The following FOCAD variants were observed in gnomAD, a reference collection of about 807,000 sequenced individuals.
FOCAD encodes KIAA1797.
FOCAD carries 198 observed loss-of-function variants against 225.6 expected under a neutral mutation model. That is an observed-to-expected ratio of 0.88 (90% CI 0.78 to 0.99). The LOEUF is 0.99. Ranked by LOEUF, FOCAD falls within the 50% of genes least tolerant of loss-of-function variation. The probability of loss-of-function intolerance (pLI) is 0.00; values close to 1 mark genes in which losing one functional copy is unlikely to be tolerated. For synonymous variants in FOCAD, 897 were observed against 755.0 expected (o/e 1.19, Z -3.08); for missense variants, 2,713 against 2,123.6 (o/e 1.28, Z -5.46).
chr9:20,842,783 G>A (rs1826673107), intron 15 of FOCAD, among the ~76,000 whole-genome samples: 1 of 151,652 alleles, frequency 6.6e-6, no homozygotes, highest in South Asian at 2.1e-4. Context: ...GTTGTTTTGT[G>A]GTCTTCTCTA....
intron 4 of FOCAD, among the ~76,000 whole-genome samples, chr9:20,725,930 A>G (rs1301943322): frequency 4.1e-4 from 63 of 152,296 alleles, no homozygotes; most frequent in Non-Finnish European, 1.9e-4. Context: ...AAACAAAGAA[A>G]TGGATTTAAG....
intron 8 of FOCAD, among the ~76,000 whole-genome samples, chr9:20,773,492 A>T (rs1818441095): frequency 6.6e-6 from 1 of 152,220 alleles, no homozygotes; most frequent in South Asian, 2.1e-4. Context: ...AATAGCACAT[A>T]GATCAAAACA....
At chr9:20,760,342 A>C (rs1829470078) in intron 6 of FOCAD, among the ~76,000 whole-genome samples, 1 of 152,256 alleles carries the variant, frequency 6.6e-6, no homozygotes, top group African/African-American at 2.4e-5. Context: ...TTTCTGAAAC[A>C]GTTTGAAATT....
chr9:20,794,779 T>A (rs369999401), intron 11 of FOCAD, among the ~76,000 whole-genome samples: 2 of 152,244 alleles, frequency 1.3e-5, no homozygotes, highest in Non-Finnish European at 2.9e-5. Flanking sequence ...ATTGGTGGAT[T>A]ATCTTCCAGT....
At chr9:20,821,525 A>G (rs574562078) in intron 14 of FOCAD, among the ~76,000 whole-genome samples, 5 of 152,224 alleles carry the variant, frequency 3.3e-5, no homozygotes, top group African/African-American at 1.2e-4. Flanking sequence ...GAAAATGATG[A>G]TGAATTTTTA....
rs1327437360 is a variant in FOCAD at position 20,822,976 on chromosome 9, T to C, written c.1794-13T>C. ...TAGCATTAATTTTGCTTTTAAACTT[T>C]CATTTCTTGTAGGCCATATCAACAT... On this transcript the variant is annotated splice_polypyrimidine_tract_variant and intron_variant, in intron 14 of 43. Transcript: ENST00000338382. 2.6e-6 allele frequency: 4 copies of C among 1,564,936 alleles called. No homozygotes were observed. Among genetic ancestry groups the C allele is most frequent in the Middle Eastern group, 1.7e-4 (1 of 5,880 alleles).
chr9:20,887,359 C>T lies in FOCAD; in HGVS notation c.2625+2129C>T, dbSNP rs896441483. On this transcript the variant is annotated intron_variant, in intron 21 of 43. Coordinates refer to ENST00000338382, the MANE Select transcript of FOCAD (RefSeq NM_001375567.1). ...AAGGGATTCTCCTGCCTCAGCCTCC[C>T]GAGTAGCTGGGATTACAGGCATGCG... Among the ~76,000 whole-genome samples the T allele has an allele frequency of 4.0e-4, 61 of 152,070 alleles. 1 individual carries two copies. The highest frequency in any genetic ancestry group is 6.8e-3 in the Middle Eastern group (2 of 292).
At chr9:20,921,671 A>C (rs976991814) in intron 24 of FOCAD, among the ~76,000 whole-genome samples, 2 of 152,220 alleles carry the variant, frequency 1.3e-5, no homozygotes, top group Non-Finnish European at 2.9e-5. Flanking sequence ...TTATTATCCA[A>C]ATATGTGTTC....
intron 16 of FOCAD, 123 bp from the exon 17 acceptor site, chr9:20,865,803 A>G (rs1587443579): frequency 4.8e-6 from 3 of 622,276 alleles, no homozygotes; most frequent in East Asian, 5.9e-5. Flanking sequence ...ATACACATTA[A>G]GTGAATTTCT....
intron 24 of FOCAD, among the ~76,000 whole-genome samples, chr9:20,921,052 C>A (rs954792565): frequency 2.6e-5 from 4 of 151,238 alleles, no homozygotes; most frequent in Non-Finnish European, 4.4e-5. Flanking sequence ...AGCAAATTTT[C>A]ACATCCAAAA....
intron 5 of FOCAD, among the ~76,000 whole-genome samples, chr9:20,746,254 AAG>A (rs1378682040): frequency 6.6e-6 from 1 of 152,116 alleles, no homozygotes; most frequent in East Asian, 1.9e-4. Context: ...CAGCTGCATG[AAG>A]AGTGTTTCAG....
chr9:20,934,119 T>C (rs1835733318), intron 28 of FOCAD, among the ~76,000 whole-genome samples: 1 of 152,046 alleles, frequency 6.6e-6, no homozygotes, highest in African/African-American at 2.4e-5. Context: ...CCTTTGTCAG[T>C]TGTATATAGA....
chr9:20,749,118 A>G (rs180772765), intron 5 of FOCAD, among the ~76,000 whole-genome samples: 2 of 152,232 alleles, frequency 1.3e-5, no homozygotes, highest in Admixed American at 1.3e-4. Context: ...ATTACTTTGT[A>G]CTTAAAATAG....
At chr9:20,909,400 G>A (rs1833251421) in intron 22 of FOCAD, among the ~76,000 whole-genome samples, 1 of 151,996 alleles carries the variant, frequency 6.6e-6, no homozygotes, top group Admixed American at 6.6e-5. Context: ...TTTCCACTGT[G>A]ACATGTATTT....
chr9:20,984,042 C>G (rs2132649092), intron 39 of FOCAD, among the ~76,000 whole-genome samples: 1 of 152,286 alleles, frequency 6.6e-6, no homozygotes, highest in South Asian at 2.1e-4. Flanking sequence ...AACATTGTCA[C>G]TGGAACATAC....
In FOCAD at chr9:20,988,355, C is replaced by A; in HGVS notation, c.4930C>A (p.Leu1644Ile). 6.2e-7 allele frequency: 1 copy of A among 1,610,742 alleles called. No individual in the cohort carries two copies. The highest frequency in any genetic ancestry group is 8.5e-7 in the Non-Finnish European group (1 of 1,177,984). Reference sequence around the variant, plus strand: ...AGGCGTTTTGAAGAGAATGGAGTGGCTCTTGGAACTGATGGGTTATATTAG... The same window carrying A: ...AGGCGTTTTGAAGAGAATGGAGTGGATCTTGGAACTGATGGGTTATATTAG... Reference protein sequence around the residue: ...NTGVLKRMEWLLELMGYIRNV... With the variant: ...NTGVLKRMEWILELMGYIRNV... Residue 1644 changes from leucine (L) to isoleucine (I), a missense_variant, in exon 41 of 44, where the codon CTC becomes ATC. Physicochemically the swap from Leu to Ile is conservative, Grantham distance 5. Transcript: ENST00000338382.
intron 36 of FOCAD, among the ~76,000 whole-genome samples, chr9:20,977,453 C>T (rs1840319306): frequency 6.6e-6 from 1 of 152,116 alleles, no homozygotes; most frequent in Non-Finnish European, 1.5e-5. Flanking sequence ...TCCACAGCAA[C>T]CTATTTTATA....
chr9:20,866,208 A>C (rs1225492358), intron 17 of FOCAD, among the ~76,000 whole-genome samples: 1 of 152,030 alleles, frequency 6.6e-6, no homozygotes, highest in Non-Finnish European at 1.5e-5. Flanking sequence ...AATCTGACAG[A>C]TGGGAAGAGG....
chr9:20,805,279 G>A (rs1822299676), intron 11 of FOCAD, among the ~76,000 whole-genome samples: 1 of 152,174 alleles, frequency 6.6e-6, no homozygotes, highest in Non-Finnish European at 1.5e-5. Context: ...AATATTTTCA[G>A]AAGTGAATGA....
Sources: allele counts gnomAD v4.1 joint callset (sites outside exome capture counted in the v4.1 genomes callset), GRCh38; gene constraint gnomAD v4.1.1; transcripts MANE v1.5; gene names NCBI Gene and HGNC (gene_info 2026-07-23, HGNC 2026-07-21).